CDK5RAP1: variants seen among roughly 807,000 people sequenced by gnomAD.
CDK5RAP1 encodes the protein mitochondrial tRNA methylthiotransferase CDK5RAP1.
In CDK5RAP1, 62 loss-of-function variants were observed where a neutral mutation model predicts 64.5. The ratio of observed to expected loss-of-function variants is 0.96; its 90% confidence interval spans 0.78 to 1.19. The LOEUF is 1.19. Among genes scored for constraint, CDK5RAP1 ranks in the 50% most tolerant of loss-of-function variants. The probability of loss-of-function intolerance (pLI) is 0.00; values close to 1 mark genes in which losing one functional copy is unlikely to be tolerated. For synonymous variants in CDK5RAP1, 250 were observed against 261.9 expected (o/e 0.95, Z 0.44); for missense variants, 657 against 735.0 (o/e 0.89, Z 1.23).
At chr20:33,375,112 C>T (rs1985769225) in intron 8 of CDK5RAP1, among the ~76,000 whole-genome samples, 1 of 151,342 alleles carries the variant, frequency 6.6e-6, no homozygotes, top group African/African-American at 2.4e-5. Context: ...ACCAAGAATA[C>T]ATAAAGAGGC....
At chr20:33,379,738 T>C in intron 7 of CDK5RAP1, 47 bp from the exon 8 acceptor site, 1 of 1,391,570 alleles carries the variant, frequency 7.2e-7, no homozygotes, top group South Asian at 1.2e-5. Flanking sequence ...TTGGGTAGCT[T>C]CATAAAAAAA....
chr20:33,360,463 C>T lies in CDK5RAP1; in HGVS notation c.1571G>A (p.Cys524Tyr). 6.2e-7 allele frequency: 1 copy of T among 1,613,518 alleles called. No individual in the cohort carries two copies. Among genetic ancestry groups the T allele is most frequent in the Non-Finnish European group, 8.5e-7 (1 of 1,179,800 alleles). The change falls in exon 13 of 14, where the codon TGT becomes TAT. Residue 524 changes from cysteine (C) to tyrosine (Y), a missense_variant. By Grantham distance (194) the Cys-to-Tyr change is radical. Coordinates refer to ENST00000346416, the MANE Select transcript of CDK5RAP1 (RefSeq NM_016408.4). ...GLSKRSATDL[C>Y]GRNDGNLKVI... ...CTTAAGGTTTCCATCATTCCTGCCA[C>T]ACAGGTCAGTGGCAGAGCGTTTACT...
In CDK5RAP1 at chr20:33,387,404, G is replaced by A; in HGVS notation, c.674C>T (p.Ala225Val). The A allele has an allele frequency of 6.2e-7, 1 of 1,614,140 alleles. No homozygotes were observed. The highest frequency in any genetic ancestry group is 2.2e-5 in the East Asian group (1 of 44,884). ...LAVAESGQQA[A>V]NVLLSLDETY... ...CTCGTCCAGAGAGAGCAGCACGTTG[G>A]CAGCTTGCTGGCCCGACTCAGCAAC... Residue 225 changes from alanine (A) to valine (V), a missense_variant, in exon 6 of 14, where the codon GCC (alanine) becomes GTC (valine). Transcript: ENST00000346416.
chr20:33,375,340 T>G (rs1600736743), intron 8 of CDK5RAP1, among the ~76,000 whole-genome samples: 1 of 146,946 alleles, frequency 6.8e-6, no homozygotes. Context: ...AGGCAGAGGT[T>G]GCAGTGAGGC....
At chr20:33,398,330 T>C (rs1334697189) in intron 1 of CDK5RAP1, among the ~76,000 whole-genome samples, 2 of 150,992 alleles carry the variant, frequency 1.3e-5, no homozygotes, top group African/African-American at 2.4e-5. Context: ...TCATCTCTAC[T>C]AAAAATACAA....
intron 6 of CDK5RAP1, 131 bp downstream of exon 6, chr20:33,387,192 G>A: frequency 1.5e-6 from 1 of 671,140 alleles, no homozygotes; most frequent in Non-Finnish European, 2.5e-6. Flanking sequence ...GGAGGTCAAG[G>A]CTGCAGTGAG....
At chr20:33,362,601 A>AT (rs1983137836) in intron 12 of CDK5RAP1, among the ~76,000 whole-genome samples, 1 of 152,226 alleles carries the variant, frequency 6.6e-6, no homozygotes, top group African/African-American at 2.4e-5. Context: ...ACTTTCTCTC[A>AT]TTTTTTAAAG....
intron 12 of CDK5RAP1, 109 bp downstream of exon 12, chr20:33,366,750 T>G: frequency 9.9e-7 from 1 of 1,009,968 alleles, no homozygotes; most frequent in Non-Finnish European, 1.4e-6. Flanking sequence ...GAGAATCACT[T>G]GAGCCCAGCA....
At chr20:33,390,106 C>A (rs919805078) in intron 5 of CDK5RAP1, among the ~76,000 whole-genome samples, 4 of 151,622 alleles carry the variant, frequency 2.6e-5, no homozygotes, top group Non-Finnish European at 5.9e-5. Flanking sequence ...GTGAGACCCA[C>A]ATCTCTACAA....
intron 5 of CDK5RAP1, among the ~76,000 whole-genome samples, chr20:33,390,519 G>GA (rs1458546024): frequency 1.3e-5 from 2 of 152,110 alleles, no homozygotes; most frequent in African/African-American, 2.4e-5. Flanking sequence ...TTTGGGAAGA[G>GA]AAAAAAGTCC....
intron 12 of CDK5RAP1, 92 bp downstream of exon 12, chr20:33,366,767 G>T: frequency 8.0e-7 from 1 of 1,249,668 alleles, no homozygotes; most frequent in Non-Finnish European, 1.1e-6. Context: ...AGCAGTTTGA[G>T]TCCAGCCTAG....
At chr20:33,393,600 A>G (rs1466242317) in intron 4 of CDK5RAP1, among the ~76,000 whole-genome samples, 3 of 152,144 alleles carry the variant, frequency 2.0e-5, no homozygotes, top group Non-Finnish European at 4.4e-5. Flanking sequence ...AAACAAAGTG[A>G]GAAAGGAGGT....
chr20:33,396,273 T>C (rs530646591), intron 2 of CDK5RAP1, among the ~76,000 whole-genome samples: 13 of 152,306 alleles, frequency 8.5e-5, no homozygotes, highest in African/African-American at 3.1e-4. Context: ...AGAATATGAA[T>C]TTCACATTCT....
chr20:33,380,430 A>C lies in CDK5RAP1; in HGVS notation c.877-739T>G, dbSNP rs141587660. ...TTGCACAGACTGGTTTTAAACTCCTAAACTCAAGCAATCCTCCCACCTCAG... is the reference window on the plus strand; with the variant it reads ...TTGCACAGACTGGTTTTAAACTCCTCAACTCAAGCAATCCTCCCACCTCAG... On this transcript the variant is annotated intron_variant, in intron 7 of 13. Coordinates refer to ENST00000346416, the MANE Select transcript of CDK5RAP1 (RefSeq NM_016408.4). Among the ~76,000 whole-genome samples the C allele has an allele frequency of 2.2e-3, 341 of 152,226 alleles. 2 individuals carry two copies. Among genetic ancestry groups the C allele is most frequent in the African/African-American group, 8.0e-3 (331 of 41,548 alleles).
At chr20:33,368,123 G>A (rs1305414945) in intron 11 of CDK5RAP1, among the ~76,000 whole-genome samples, 4 of 152,178 alleles carry the variant, frequency 2.6e-5, no homozygotes, top group African/African-American at 9.7e-5. Flanking sequence ...CCAATGTCAC[G>A]TAGTTATTAA....
chr20:33,388,836 G>T (rs1218142360), intron 5 of CDK5RAP1, among the ~76,000 whole-genome samples: 6 of 152,020 alleles, frequency 3.9e-5, no homozygotes, highest in Non-Finnish European at 8.8e-5. Flanking sequence ...TGTGTTGGCC[G>T]GGCTGGTCTC....
chr20:33,367,568 C>T (rs143545370), intron 11 of CDK5RAP1, among the ~76,000 whole-genome samples: 3 of 152,170 alleles, frequency 2.0e-5, no homozygotes, highest in Non-Finnish European at 2.9e-5. Context: ...TATAAACACA[C>T]GAAATATGCC....
intron 6 of CDK5RAP1, among the ~76,000 whole-genome samples, chr20:33,386,517 C>A (rs897592614): frequency 4.6e-5 from 7 of 152,044 alleles, no homozygotes; most frequent in African/African-American, 1.7e-4. Context: ...CAAGGAGACC[C>A]TGGATTTAAA....
chr20:33,384,503 G>C (rs1987167717), intron 7 of CDK5RAP1, among the ~76,000 whole-genome samples: 2 of 152,140 alleles, frequency 1.3e-5, no homozygotes, highest in South Asian at 2.1e-4. Context: ...TCACAGAGCA[G>C]GGGAGCAGCT....
Sources: allele counts gnomAD v4.1 joint callset (sites outside exome capture counted in the v4.1 genomes callset), GRCh38; gene constraint gnomAD v4.1.1; transcripts MANE v1.5; gene names NCBI Gene and HGNC (gene_info 2026-07-23, HGNC 2026-07-21).